VIT: variants seen among roughly 807,000 people sequenced by gnomAD.
VIT encodes the protein vitrin.
VIT carries 99 observed loss-of-function variants against 78.0 expected under a neutral mutation model. The ratio of observed to expected loss-of-function variants is 1.27; its 90% CI spans 1.08 to 1.50. The LOEUF (loss-of-function observed/expected upper bound fraction) is 1.50, where lower values mean the gene tolerates loss of function less well. VIT is among the 40% of genes most tolerant of loss of function. The pLI, the probability that VIT is intolerant of heterozygous loss-of-function variation, is 0.00. For synonymous variants in VIT, 374 were observed against 334.3 expected, an observed-to-expected ratio of 1.12 and a Z score of -1.29; for missense variants, 1,126 against 875.3, an observed-to-expected ratio of 1.29 and a Z score of -3.61.
chr2:36,746,336 G>A (rs1387117429), intron 4 of VIT, among the ~76,000 whole-genome samples: 1 of 152,032 alleles, frequency 6.6e-6, no homozygotes. Flanking sequence ...GAGTTAGGGA[G>A]GATTCCTTCC....
At chr2:36,794,298 T>C (rs1454360328) in intron 12 of VIT, among the ~76,000 whole-genome samples, 1 of 149,724 alleles carries the variant, frequency 6.7e-6, no homozygotes, top group Non-Finnish European at 1.5e-5. Context: ...TTTTCTTCTC[T>C]TATTTTCAAA....
At chr2:36,727,210 C>G (rs889855807) in intron 2 of VIT, among the ~76,000 whole-genome samples, 3 of 152,068 alleles carry the variant, frequency 2.0e-5, no homozygotes, top group African/African-American at 4.8e-5. Flanking sequence ...TTTCTCCGTG[C>G]CTTTCTTTCC....
chr2:36,773,391 G>A (rs990789122), intron 7 of VIT, among the ~76,000 whole-genome samples: 1 of 144,618 alleles, frequency 6.9e-6, no homozygotes, highest in African/African-American at 2.6e-5. Context: ...GCTTCACCTT[G>A]TTTCCAACCT....
chr2:36,740,634 T>A (rs554576194), intron 3 of VIT, among the ~76,000 whole-genome samples: 76 of 152,218 alleles, frequency 5.0e-4, no homozygotes, highest in Non-Finnish European at 8.5e-4. Context: ...AATGAGTGAA[T>A]CCACCAATTT....
At chr2:36,805,310 A>G (rs79116153) in intron 13 of VIT, 128 bp from the exon 14 acceptor site, 2 of 850,434 alleles carry the variant, frequency 2.4e-6, no homozygotes, top group East Asian at 7.1e-5. Flanking sequence ...TCTCAAAGGA[A>G]AAAAAAAAAA....
At chr2:36,785,285 T>C (rs918592100) in intron 11 of VIT, among the ~76,000 whole-genome samples, 4 of 152,204 alleles carry the variant, frequency 2.6e-5, no homozygotes, top group African/African-American at 9.6e-5. Context: ...TGCACGTCTG[T>C]CTCTATAGGT....
intron 3 of VIT, among the ~76,000 whole-genome samples, chr2:36,740,220 A>C (rs759399108): frequency 6.6e-6 from 1 of 152,222 alleles, no homozygotes; most frequent in Non-Finnish European, 1.5e-5. Context: ...AGCTGCGAGC[A>C]CTGAATAGTT....
chr2:36,796,120 A>T (rs1665882778), intron 12 of VIT, among the ~76,000 whole-genome samples: 1 of 152,094 alleles, frequency 6.6e-6, no homozygotes, highest in African/African-American at 2.4e-5. Context: ...TAAAAAAAAA[A>T]AAAAAAAACA....
intron 1 of VIT, among the ~76,000 whole-genome samples, chr2:36,702,862 A>G (rs1665152788): frequency 6.6e-6 from 1 of 152,142 alleles, no homozygotes; most frequent in Non-Finnish European, 1.5e-5. Flanking sequence ...GTTTTGAAAT[A>G]AATCCGTTCT....
At chr2:36,770,943 C>T (rs1669710717) in intron 7 of VIT, among the ~76,000 whole-genome samples, 1 of 152,178 alleles carries the variant, frequency 6.6e-6, no homozygotes, top group South Asian at 2.1e-4. Flanking sequence ...CTACCCTGGG[C>T]TCCACCTTCT....
intron 1 of VIT, among the ~76,000 whole-genome samples, chr2:36,709,730 A>C (rs761429637): frequency 2.6e-5 from 4 of 152,190 alleles, no homozygotes; most frequent in Admixed American, 6.5e-5. Context: ...CAAGGTACTG[A>C]CATGCAGAGT....
intron 4 of VIT, among the ~76,000 whole-genome samples, chr2:36,751,339 T>C (rs1334307865): frequency 6.6e-6 from 1 of 152,326 alleles, no homozygotes; most frequent in East Asian, 1.9e-4. Context: ...GAGGTTGCAG[T>C]GAGCTGAGAT....
intron 15 of VIT, among the ~76,000 whole-genome samples, chr2:36,813,436 G>A (rs945537206): frequency 6.6e-6 from 1 of 152,148 alleles, no homozygotes; most frequent in Non-Finnish European, 1.5e-5. Flanking sequence ...GTGACAGAGT[G>A]AGATTCTGTC....
chr2:36,743,231 A>AGT lies in VIT; in HGVS notation c.258_259dup (p.Gly87ValfsTer51), dbSNP rs749125150. On this transcript the variant is annotated frameshift_variant, in exon 4 of 16. Transcript: ENST00000379242. LOFTEE classifies it high-confidence loss of function. ...CACTGACGTGTATGCATCCTACTCCAGTGTGTGTGGCGCTGCCGTACACAG... is the reference window on the plus strand; with the variant it reads ...CACTGACGTGTATGCATCCTACTCCAGTGTGTGTGTGGCGCTGCCGTACACAG... The AGT allele has an allele frequency of 6.2e-7, 1 of 1,614,000 alleles. No individual in the cohort carries two copies. The highest frequency in any genetic ancestry group is 1.3e-5 in the African/African-American group (1 of 75,038).
At chr2:36,811,785 G>T (rs1323617499) in intron 15 of VIT, among the ~76,000 whole-genome samples, 3 of 150,584 alleles carry the variant, frequency 2.0e-5, no homozygotes, top group Non-Finnish European at 4.4e-5. Context: ...CGATTCTCCT[G>T]CCTCAGTCTC....
At chr2:36,807,163 G>A (rs900285034) in intron 14 of VIT, among the ~76,000 whole-genome samples, 4 of 152,036 alleles carry the variant, frequency 2.6e-5, no homozygotes, top group African/African-American at 9.7e-5. Flanking sequence ...TCTCCCTCCT[G>A]GTGCTCCCCA....
At chr2:36,805,924 AG>A (rs1034204410) in intron 14 of VIT, among the ~76,000 whole-genome samples, 3 of 152,038 alleles carry the variant, frequency 2.0e-5, no homozygotes, top group Non-Finnish European at 4.4e-5. Context: ...CCACAGCCCC[AG>A]GGGGGGTCTC....
At chr2:36,747,844 G>C (rs908850719) in intron 4 of VIT, among the ~76,000 whole-genome samples, 6 of 152,148 alleles carry the variant, frequency 3.9e-5, no homozygotes, top group African/African-American at 1.4e-4. Flanking sequence ...GCTTTATAGG[G>C]TCTCTGGGCT....
rs775484021 is a variant in VIT, at chr2:36,805,418, G to A, written c.1163-20G>A. On this transcript the variant is annotated intron_variant, in intron 13 of 15. Coordinates refer to ENST00000379242, the MANE Select transcript of VIT (RefSeq NM_053276.4). ...TAATCAGCGTGATCACTCCAAGCAT[G>A]AATTTTCTTTTTCTTCCAGGTCGGG... is the stretch of plus-strand genomic sequence containing the variant. 2 of 1,582,372 alleles carry A rather than the reference G, an allele frequency of 1.3e-6. No homozygotes were observed. The highest frequency in any genetic ancestry group is 1.2e-5 in the South Asian group (1 of 84,464).
Sources: allele counts gnomAD v4.1 joint callset (sites outside exome capture counted in the v4.1 genomes callset), GRCh38; gene constraint gnomAD v4.1.1; transcripts MANE v1.5; gene names NCBI Gene and HGNC (gene_info 2026-07-23, HGNC 2026-07-21).